Variants in PDE3B observed in about 807,000 individuals in gnomAD.
The protein encoded by PDE3B is cGMP-inhibited 3',5'-cyclic phosphodiesterase 3B.
Under a neutral mutation model 116.8 loss-of-function variants are expected in PDE3B, and 66 were observed. That is an observed-to-expected ratio of 0.56 (90% CI 0.46 to 0.69). The LOEUF is 0.69. Among genes scored for constraint, PDE3B ranks in the 30% least tolerant of loss-of-function variants. The pLI is 0.00. For missense variants in PDE3B, 1,384 were observed against 1,368.1 expected, an observed-to-expected ratio of 1.01 and a Z score of -0.18; for synonymous variants, 595 against 533.6, an observed-to-expected ratio of 1.12 and a Z score of -1.59.
At chr11:14,782,056 T>C (rs7937511) in intron 2 of PDE3B, among the ~76,000 whole-genome samples, 23,221 of 152,166 alleles carry the variant, frequency 0.15, 2,765 homozygotes, top group African/African-American at 0.34. Flanking sequence ...CTCCCATTCA[T>C]GATGGCTTCA....
chr11:14,867,432 A>G, intron 14 of PDE3B, 74 bp from the exon 15 acceptor site: 2 of 1,319,510 alleles, frequency 1.5e-6, no homozygotes, highest in Non-Finnish European at 2.1e-6. Flanking sequence ...AAAACTCAAG[A>G]TAATTTTAAC....
intron 5 of PDE3B, among the ~76,000 whole-genome samples, chr11:14,817,741 C>G (rs1181344007): frequency 6.6e-6 from 1 of 150,986 alleles, no homozygotes; most frequent in African/African-American, 2.4e-5. Flanking sequence ...ATCTCACAGA[C>G]AAAAAAAGAG....
chr11:14,716,467 G>A (rs1855898558), intron 1 of PDE3B, among the ~76,000 whole-genome samples: 2 of 151,236 alleles, frequency 1.3e-5, no homozygotes, highest in African/African-American at 2.4e-5. Flanking sequence ...TCTGGGGGCA[G>A]GGCACAGACA....
chr11:14,815,597 A>C (rs543964952), intron 5 of PDE3B, among the ~76,000 whole-genome samples: 1 of 152,266 alleles, frequency 6.6e-6, no homozygotes, highest in Non-Finnish European at 1.5e-5. Context: ...GAATCTCTAG[A>C]GTGAGTCTCT....
chr11:14,854,248 C>T (rs988355272), intron 12 of PDE3B, among the ~76,000 whole-genome samples: 1 of 152,054 alleles, frequency 6.6e-6, no homozygotes, highest in Non-Finnish European at 1.5e-5. Flanking sequence ...TGACTAAAAC[C>T]CTATGTTTAC....
Position 14,832,585 on chromosome 11 carries a change from C to T in PDE3B, c.2095-137C>T, listed in dbSNP as rs550333260. On this transcript the variant is annotated intron_variant, in intron 9 of 15. Coordinates refer to ENST00000282096, the MANE Select transcript of PDE3B (RefSeq NM_000922.4). ...TTTTTTTGAAAGAATTAATTGTAGG[C>T]AAGTTTTAAATAAATTATTAAAGAC... The T allele has an allele frequency of 1.0e-4, 41 of 406,110 alleles. No homozygotes were observed. The South Asian group carries it at 2.3e-3, about 23-fold the overall frequency. 25.2% of individuals were successfully genotyped at this position (406,110 alleles called of 1,614,324 possible).
intron 1 of PDE3B, among the ~76,000 whole-genome samples, chr11:14,734,017 C>T (rs919523547): frequency 1.3e-5 from 2 of 152,124 alleles, no homozygotes; most frequent in African/African-American, 4.8e-5. Flanking sequence ...TAAGTGTAGT[C>T]GTGAGTCAAA....
At chr11:14,721,088 A>G (rs750382334) in intron 1 of PDE3B, among the ~76,000 whole-genome samples, 1 of 146,300 alleles carries the variant, frequency 6.8e-6, no homozygotes, top group Non-Finnish European at 1.5e-5. Flanking sequence ...GAAAAAAACA[A>G]ACAACCCCAT....
At chr11:14,681,150 ATAT>A (rs1338941565) in intron 1 of PDE3B, among the ~76,000 whole-genome samples, 3 of 152,182 alleles carry the variant, frequency 2.0e-5, no homozygotes. Context: ...TTTTGACTTA[ATAT>A]TTTTATCAGT....
At chr11:14,734,534 T>C (rs1294372400) in intron 1 of PDE3B, among the ~76,000 whole-genome samples, 1 of 152,236 alleles carries the variant, frequency 6.6e-6, no homozygotes, top group African/African-American at 2.4e-5. Context: ...AAGTTAGCAC[T>C]TCTAAAACAA....
chr11:14,850,781 G>A (rs909883532), intron 12 of PDE3B, among the ~76,000 whole-genome samples: 1 of 152,072 alleles, frequency 6.6e-6, no homozygotes, highest in Non-Finnish European at 1.5e-5. Context: ...TACTGTAATT[G>A]CAATAGCTTT....
At chr11:14,721,316 A>C (rs1259797450) in intron 1 of PDE3B, among the ~76,000 whole-genome samples, 1 of 152,072 alleles carries the variant, frequency 6.6e-6, no homozygotes, top group East Asian at 1.9e-4. Flanking sequence ...ACACTTTTAC[A>C]CTGTTGGTGG....
At chr11:14,718,594 A>G (rs1454653066) in intron 1 of PDE3B, among the ~76,000 whole-genome samples, 1 of 149,816 alleles carries the variant, frequency 6.7e-6, no homozygotes, top group Non-Finnish European at 1.5e-5. Flanking sequence ...GTGCAATCAA[A>G]CTAGAACTCA....
At chr11:14,659,150 T>C (rs1309221431) in intron 1 of PDE3B, among the ~76,000 whole-genome samples, 1 of 152,196 alleles carries the variant, frequency 6.6e-6, no homozygotes, top group East Asian at 1.9e-4. Context: ...GGAAGAATGT[T>C]GCAAGTTGGG....
intron 14 of PDE3B, among the ~76,000 whole-genome samples, chr11:14,866,361 A>T (rs756629706): frequency 1.3e-5 from 2 of 152,152 alleles, no homozygotes; most frequent in Non-Finnish European, 2.9e-5. Flanking sequence ...TTATGCTATT[A>T]AACTTTCTTC....
intron 5 of PDE3B, among the ~76,000 whole-genome samples, chr11:14,810,894 T>G (rs1859106046): frequency 6.8e-6 from 1 of 147,458 alleles, no homozygotes; most frequent in Admixed American, 6.9e-5. Context: ...ATTGTGGTTT[T>G]GATTTGCATT....
Position 14,867,787 on chromosome 11 carries a change from T to C in PDE3B, c.3139+29T>C, listed in dbSNP as rs781954819. 6.4e-6 allele frequency: 10 copies of C among 1,566,016 alleles called. No homozygotes were observed. The South Asian group carries it at 1.1e-4, about 18-fold the overall frequency. On this transcript the variant is annotated intron_variant, in intron 15 of 15. Transcript: ENST00000282096. Reference sequence around the variant, plus strand: ...AGAATATAGGGACATTATAATTTATTTAATGTTATAGGTTGAGTATTCCAA... The same window carrying C: ...AGAATATAGGGACATTATAATTTATCTAATGTTATAGGTTGAGTATTCCAA...
rs186703955 is a variant in PDE3B, at chr11:14,782,730, C to G, written c.1030-3707C>G. Among the ~76,000 whole-genome samples, 14 of 152,276 alleles carry G rather than the reference C, an allele frequency of 9.2e-5. No individual in the cohort carries two copies. The East Asian group carries it at 2.7e-3, about 29-fold the overall frequency. On this transcript the variant is annotated intron_variant, in intron 2 of 15. Transcript: ENST00000282096. ...GACTTCATGGCTAAAACACCAAAAG[C>G]AATGGCAACAAAAGCCAAAGTTGAC...
chr11:14,796,638 A>G (rs1464671236), intron 4 of PDE3B, among the ~76,000 whole-genome samples: 3 of 152,134 alleles, frequency 2.0e-5, no homozygotes. Context: ...ATCATTTTTC[A>G]TATGTTTGTT....
Sources: gnomAD v4.1 joint callset for allele counts (sites outside exome capture counted in the v4.1 genomes callset) on GRCh38, gnomAD v4.1.1 for gene constraint, MANE v1.5 for transcripts, NCBI Gene and HGNC (gene_info 2026-07-23, HGNC 2026-07-21) for gene names.